The following GPC6 variants were observed in gnomAD, a reference collection of about 807,000 sequenced individuals.
GPC6 encodes glypican-6.
A neutral mutation model predicts 55.2 loss-of-function variants in GPC6; 14 were observed. The ratio of observed to expected loss-of-function variants is 0.25; its 90% CI spans 0.17 to 0.40. The LOEUF (loss-of-function observed/expected upper bound fraction) is 0.40, where lower values mean the gene tolerates loss of function less well. Ranked by LOEUF, GPC6 falls within the 10% of genes least tolerant of loss-of-function variation. The pLI is 1.00. For missense variants in GPC6, 641 were observed against 708.5 expected, an observed-to-expected ratio of 0.90 and a Z score of 1.08; for synonymous variants, 278 against 259.6, an observed-to-expected ratio of 1.07 and a Z score of -0.68.
chr13:94,001,782 C>T (rs776352225), intron 3 of GPC6, among the ~76,000 whole-genome samples: 2 of 152,108 alleles, frequency 1.3e-5, no homozygotes, highest in Admixed American at 6.6e-5. Context: ...AAAGAAACTG[C>T]ACCAGATGGA....
At chr13:93,397,362 A>G (rs1170834240) in intron 1 of GPC6, among the ~76,000 whole-genome samples, 3 of 152,146 alleles carry the variant, frequency 2.0e-5, no homozygotes, top group Non-Finnish European at 4.4e-5. Flanking sequence ...GTGTAAAGTG[A>G]TATCTCACTG....
At chr13:93,342,591 G>T (rs1319816655) in intron 1 of GPC6, among the ~76,000 whole-genome samples, 4 of 152,168 alleles carry the variant, frequency 2.6e-5, no homozygotes, top group Non-Finnish European at 5.9e-5. Flanking sequence ...AGACTTGGGT[G>T]GGGGAACAGC....
At chr13:94,194,849 G>A (rs1400127561) in intron 4 of GPC6, among the ~76,000 whole-genome samples, 1 of 151,728 alleles carries the variant, frequency 6.6e-6, no homozygotes, top group Admixed American at 6.6e-5. Context: ...AGCATGTGTT[G>A]TGTATCTGTG....
intron 7 of GPC6, among the ~76,000 whole-genome samples, chr13:94,383,413 C>G (rs916623177): frequency 1.3e-5 from 2 of 152,132 alleles, no homozygotes; most frequent in African/African-American, 4.8e-5. Flanking sequence ...GCATATGAAG[C>G]AGCTGTGATC....
At chr13:93,781,390 C>A (rs1885647472) in intron 2 of GPC6, among the ~76,000 whole-genome samples, 1 of 152,130 alleles carries the variant, frequency 6.6e-6, no homozygotes, top group Admixed American at 6.5e-5. Context: ...GGAATTATTT[C>A]TATTTTGTAA....
In GPC6 at chr13:93,710,047, T is replaced by C. The variant is rs4619265; in HGVS notation, c.320-120107T>C. Among the ~76,000 whole-genome samples the C allele has an allele frequency of 7.0e-3, 1,060 of 151,946 alleles. 11 individuals carry two copies. The highest frequency in any genetic ancestry group is 0.024 in the African/African-American group (983 of 41,510). ...GCTTGTAAATTACCATTGGAATGAA[T>C]GGTTTCAATTTCATTTTCAGTGGAA... On this transcript the variant is annotated intron_variant, in intron 2 of 8. Coordinates refer to ENST00000377047, the MANE Select transcript of GPC6 (RefSeq NM_005708.5).
chr13:93,228,327 G>T (rs1388949101), intron 1 of GPC6, among the ~76,000 whole-genome samples: 1 of 152,176 alleles, frequency 6.6e-6, no homozygotes, highest in Non-Finnish European at 1.5e-5. Context: ...GCCACTCAGG[G>T]CCCGGGGACA....
intron 4 of GPC6, among the ~76,000 whole-genome samples, chr13:94,155,787 C>G (rs1593996472): frequency 6.6e-6 from 1 of 152,318 alleles, no homozygotes; most frequent in Non-Finnish European, 1.5e-5. Flanking sequence ...ACATTCGCCA[C>G]CTGTCCTCTG....
At chr13:94,077,637 C>A (rs1283050285) in intron 4 of GPC6, among the ~76,000 whole-genome samples, 1 of 151,732 alleles carries the variant, frequency 6.6e-6, no homozygotes, top group Non-Finnish European at 1.5e-5. Context: ...TGTTGAAGTA[C>A]ATTTCTTCTA....
rs564639587 is a variant in GPC6, at chr13:94,375,276, G to A, written c.1153-7138G>A. On this transcript the variant is annotated intron_variant, in intron 6 of 8. Transcript: ENST00000377047. The stretch of plus-strand genomic sequence containing the variant: ...GAATCCAGGAGCTGGTTTTTTGAAA[G>A]GATCAACAAAATTGATAGACTTCTA... 1.9e-4 allele frequency among the ~76,000 whole-genome samples: 29 copies of A among 151,898 alleles called. No homozygotes were observed. The East Asian group carries it at 5.4e-3, about 28-fold the overall frequency.
rs149661161 is a variant in GPC6 at position 94,160,744 on chromosome 13, T to G, written c.878-125605T>G. On this transcript the variant is annotated intron_variant, in intron 4 of 8. Transcript: ENST00000377047. Reference sequence around the variant, plus strand: ...TACAAGTACTAAACATAGCCCTTTTTTCTTCGTTTCGTTCATGTATATATG... The same window carrying G: ...TACAAGTACTAAACATAGCCCTTTTGTCTTCGTTTCGTTCATGTATATATG... Among the ~76,000 whole-genome samples, 920 of 152,356 alleles carry G rather than the reference T, an allele frequency of 6.0e-3. 4 individuals are homozygous for G. Among genetic ancestry groups the G allele is most frequent in the African/African-American group, 7.4e-3 (306 of 41,584 alleles).
chr13:94,342,748 G>A (rs1878105120), intron 6 of GPC6, among the ~76,000 whole-genome samples: 1 of 152,094 alleles, frequency 6.6e-6, no homozygotes, highest in African/African-American at 2.4e-5. Flanking sequence ...CTCAGTGTTG[G>A]GAACTTTATC....
At chr13:94,233,094 AT>A (rs1890781608) in intron 4 of GPC6, among the ~76,000 whole-genome samples, 1 of 146,812 alleles carries the variant, frequency 6.8e-6, no homozygotes, top group African/African-American at 2.5e-5. Context: ...GTTGTGTGAG[AT>A]ACAAATATGC....
chr13:93,424,166 G>A (rs1468919546), intron 1 of GPC6, among the ~76,000 whole-genome samples: 1 of 152,132 alleles, frequency 6.6e-6, no homozygotes, highest in Admixed American at 6.5e-5. Flanking sequence ...ACAGGATTGG[G>A]CAGAAGGAAA....
intron 4 of GPC6, among the ~76,000 whole-genome samples, chr13:94,125,072 C>T (rs1374739938): frequency 6.6e-6 from 1 of 152,052 alleles, no homozygotes; most frequent in Non-Finnish European, 1.5e-5. Flanking sequence ...TTTCACTTAA[C>T]CTTAAATACA....
chr13:94,192,767 C>T (rs990087697), intron 4 of GPC6, among the ~76,000 whole-genome samples: 11 of 152,148 alleles, frequency 7.2e-5, no homozygotes, highest in African/African-American at 1.9e-4. Flanking sequence ...AACATTACTG[C>T]GCACCTCAGT....
intron 2 of GPC6, among the ~76,000 whole-genome samples, chr13:93,793,029 A>T (rs1056955646): frequency 6.6e-6 from 1 of 152,220 alleles, no homozygotes; most frequent in Non-Finnish European, 1.5e-5. Context: ...CTGTTGCAAG[A>T]ATAATGCCGG....
chr13:94,149,223 A>G (rs149385593), intron 4 of GPC6, among the ~76,000 whole-genome samples: 2,042 of 152,218 alleles, frequency 0.013, 37 homozygotes, highest in African/African-American at 0.047. Flanking sequence ...AGATGAATGG[A>G]AGAAAACAAA....
rs778939811 is a variant in GPC6, at chr13:93,545,244, A to G, written c.161-19A>G. 7 of 1,605,334 alleles carry G rather than the reference A, an allele frequency of 4.4e-6. No individual in the cohort carries two copies. The highest frequency in any genetic ancestry group is 3.3e-5 in the Admixed American group (2 of 59,986). ...AAAGTCCTTAGAATGCAATAGTGAC[A>G]TTTAACTTCTCATTGCAGGGGAACA... On this transcript the variant is annotated intron_variant, in intron 1 of 8. Transcript: ENST00000377047.
Sources: gnomAD v4.1 joint callset for allele counts (sites outside exome capture counted in the v4.1 genomes callset) on GRCh38, gnomAD v4.1.1 for gene constraint, MANE v1.5 for transcripts, NCBI Gene and HGNC (gene_info 2026-07-23, HGNC 2026-07-21) for gene names.